ITPR2: variants seen among roughly 807,000 people sequenced by gnomAD.
The protein encoded by ITPR2 is inositol 1,4,5-trisphosphate-gated calcium channel ITPR2.
Under a neutral mutation model 317.1 loss-of-function variants are expected in ITPR2, and 207 were observed. That is an observed-to-expected ratio of 0.65 (90% CI 0.58 to 0.73). The LOEUF (loss-of-function observed/expected upper bound fraction) is 0.73. ITPR2 is among the 30% of genes least tolerant of loss of function. The probability of loss-of-function intolerance (pLI) is 0.00; values close to 1 mark genes in which losing one functional copy is unlikely to be tolerated. For missense variants in ITPR2, 2,613 were observed against 3,284.0 expected (o/e 0.80, Z 4.99); for synonymous variants, 1,156 against 1,149.1 (o/e 1.01, Z -0.12).
intron 37 of ITPR2, among the ~76,000 whole-genome samples, chr12:26,513,916 C>T (rs2136921505): frequency 6.7e-6 from 1 of 150,036 alleles, no homozygotes; most frequent in Admixed American, 6.7e-5. Flanking sequence ...CTAACATCCA[C>T]TTGTTGTGTT....
chr12:26,487,271 A>G lies in ITPR2; in HGVS notation c.5371-20T>C, dbSNP rs192243907. ...AGAATACTGCAAGAAAACATATTTT[A>G]AGACATCAATACCCAAGGGGAGACA... On this transcript the variant is annotated intron_variant, in intron 39 of 56. Transcript: ENST00000381340. 7.7e-6 allele frequency: 12 copies of G among 1,562,702 alleles called. No individual in the cohort carries two copies. Among genetic ancestry groups the G allele is most frequent in the Non-Finnish European group, 1.7e-6 (2 of 1,153,880 alleles).
intron 37 of ITPR2, among the ~76,000 whole-genome samples, chr12:26,501,671 A>G (rs900518361): frequency 6.6e-6 from 1 of 152,234 alleles, no homozygotes; most frequent in Non-Finnish European, 1.5e-5. Context: ...AAAAAACAAG[A>G]CTGTGGAAAA....
chr12:26,555,852 C>T (rs976754555), intron 36 of ITPR2, among the ~76,000 whole-genome samples: 22 of 152,078 alleles, frequency 1.4e-4, no homozygotes, highest in Non-Finnish European at 2.9e-5. Flanking sequence ...AATAGTAAGA[C>T]CTCAATAAAA....
At chr12:26,512,281 T>A (rs1239774998) in intron 37 of ITPR2, among the ~76,000 whole-genome samples, 2 of 151,970 alleles carry the variant, frequency 1.3e-5, no homozygotes. Context: ...AACAAGTCTG[T>A]TGAATTTCAC....
intron 45 of ITPR2, among the ~76,000 whole-genome samples, chr12:26,460,130 TGG>T (rs781367000): frequency 4.6e-5 from 7 of 152,202 alleles, no homozygotes; most frequent in Non-Finnish European, 1.0e-4. Flanking sequence ...TCCCTGCCCC[TGG>T]GATACAGGCC....
At chr12:26,742,509 T>A (rs1371791820) in intron 2 of ITPR2, among the ~76,000 whole-genome samples, 3 of 152,150 alleles carry the variant, frequency 2.0e-5, no homozygotes, top group African/African-American at 7.2e-5. Flanking sequence ...TGGAATATTA[T>A]CCAGCCTTAA....
intron 2 of ITPR2, among the ~76,000 whole-genome samples, chr12:26,736,948 T>C (rs1452714250): frequency 1.3e-5 from 2 of 152,186 alleles, no homozygotes; most frequent in East Asian, 3.8e-4. Context: ...AACTGGGAAA[T>C]GTTGCCTAAC....
At chr12:26,726,053 T>C (rs754767257) in intron 2 of ITPR2, 4 of 235,032 alleles carry the variant, frequency 1.7e-5, no homozygotes, top group Admixed American at 5.2e-5. Context: ...TTATAAGGCA[T>C]GGATTAATTA....
chr12:26,388,965 A>G (rs1447167507), intron 54 of ITPR2, among the ~76,000 whole-genome samples: 1 of 152,116 alleles, frequency 6.6e-6, no homozygotes, highest in African/African-American at 2.4e-5. Flanking sequence ...TCATTCTTGA[A>G]TCCTCTCCGC....
intron 48 of ITPR2, among the ~76,000 whole-genome samples, chr12:26,432,569 T>C (rs970132356): frequency 5.9e-5 from 9 of 151,452 alleles, no homozygotes; most frequent in African/African-American, 2.2e-4. Context: ...TTTCATCATA[T>C]AGTCACCCAT....
intron 39 of ITPR2, among the ~76,000 whole-genome samples, chr12:26,491,158 AT>A: frequency 6.6e-6 from 1 of 152,218 alleles, no homozygotes; most frequent in South Asian, 2.1e-4. Context: ...GGCAGGTGAC[AT>A]ATTTTAAGCA....
intron 1 of ITPR2, among the ~76,000 whole-genome samples, chr12:26,830,326 A>G (rs1951080541): frequency 6.6e-6 from 1 of 152,272 alleles, no homozygotes; most frequent in African/African-American, 2.4e-5. Flanking sequence ...ACAAATGCAT[A>G]CTAAGGAAGC....
intron 55 of ITPR2, among the ~76,000 whole-genome samples, chr12:26,371,519 A>G (rs994263668): frequency 9.2e-5 from 14 of 152,216 alleles, no homozygotes; most frequent in Admixed American, 5.2e-4. Context: ...AACGCTTTGG[A>G]TAGACTATGA....
intron 23 of ITPR2, among the ~76,000 whole-genome samples, chr12:26,626,105 G>A (rs1484191460): frequency 6.6e-6 from 1 of 152,100 alleles, no homozygotes; most frequent in Non-Finnish European, 1.5e-5. Context: ...GGGACCAAAG[G>A]CACGCGCCTC....
chr12:26,467,175 A>G (rs1452802431), intron 45 of ITPR2, among the ~76,000 whole-genome samples: 2 of 152,218 alleles, frequency 1.3e-5, no homozygotes, highest in African/African-American at 4.8e-5. Context: ...GGAGTAATTT[A>G]CATGCATATC....
chr12:26,398,935 T>C lies in ITPR2; in HGVS notation c.7637A>G (p.Asp2546Gly). 1 of 1,611,472 alleles carries C rather than the reference T, an allele frequency of 6.2e-7. No homozygotes were observed. The highest frequency in any genetic ancestry group is 8.5e-7 in the Non-Finnish European group (1 of 1,179,372). ...TTTTTTCTGTTTTTCGCTTCTGAGA[T>C]CAGCAAAAGTATCGATGATAACACC... Reference protein sequence around the residue: ...IFGVIIDTFADLRSEKQKKEE... With the variant: ...IFGVIIDTFAGLRSEKQKKEE... Residue 2546 changes from aspartate (D) to glycine (G), a missense_variant, in exon 54 of 57, where the codon GAT (aspartate) becomes GGT (glycine). Transcript: ENST00000381340.
intron 2 of ITPR2, among the ~76,000 whole-genome samples, chr12:26,754,441 C>T (rs1350629890): frequency 7.2e-5 from 11 of 152,170 alleles, no homozygotes; most frequent in East Asian, 1.9e-4. Context: ...ATTAAAATCC[C>T]GAACTTACCA....
At chr12:26,364,532 G>A (rs1234464775) in intron 55 of ITPR2, among the ~76,000 whole-genome samples, 1 of 152,188 alleles carries the variant, frequency 6.6e-6, no homozygotes, top group African/African-American at 2.4e-5. Context: ...GCAAGCCCTT[G>A]TCTAAACTCT....
Position 26,598,477 on chromosome 12 carries a change from G to T in ITPR2, c.4002+668C>A, listed in dbSNP as rs540433335. Among the ~76,000 whole-genome samples the T allele has an allele frequency of 9.5e-4, 144 of 152,304 alleles. 2 individuals are homozygous for T. Among genetic ancestry groups the T allele is most frequent in the African/African-American group, 3.4e-3 (142 of 41,562 alleles). On this transcript the variant is annotated intron_variant, in intron 30 of 56. Coordinates refer to ENST00000381340, the MANE Select transcript of ITPR2 (RefSeq NM_002223.4). ...TAGAGAACCATTTGGTCACAGAGCG[G>T]TGATTTAATCAACGGGCTCTTTAAG... is the stretch of plus-strand genomic sequence containing the variant.
Sources: gnomAD v4.1 joint callset for allele counts (sites outside exome capture counted in the v4.1 genomes callset) on GRCh38, gnomAD v4.1.1 for gene constraint, MANE v1.5 for transcripts, NCBI Gene and HGNC (gene_info 2026-07-23, HGNC 2026-07-21) for gene names.